Variants in BRWD3 observed in about 807,000 individuals in gnomAD.
BRWD3 encodes bromodomain and WD repeat domain containing 3, also known as bromodomain and WD repeat-containing protein 3.
A neutral mutation model predicts 149.7 loss-of-function variants in BRWD3; 10 were observed. That is an observed-to-expected ratio of 0.07 (90% CI 0.04 to 0.11). BRWD3 has a LOEUF of 0.11. Among genes scored for constraint, BRWD3 ranks in the 10% least tolerant of loss-of-function variants. The pLI is 1.00. For missense variants in BRWD3, 940 were observed against 1,373.2 expected (o/e 0.68, Z 4.99); for synonymous variants, 504 against 456.7 (o/e 1.10, Z -1.32).
At chrX:80,749,435 A>G (rs1374813837) in intron 6 of BRWD3, among the ~76,000 whole-genome samples, 1 of 111,559 alleles carries the variant, frequency 9.0e-6, no homozygotes, top group African/African-American at 3.3e-5. Context: ...CATCTCTATC[A>G]TTACATATGA....
rs1376431971 is a variant in BRWD3 at position 80,725,950 on chromosome X, C to A, written c.1387-883G>T. On this transcript the variant is annotated intron_variant, in intron 14 of 40. Transcript: ENST00000373275. ...CATAACTTGTTTACATGTTACATGT[C>A]TATATAACACATAACATGTTTACAT... is the stretch of plus-strand genomic sequence containing the variant. 3.6e-5 allele frequency among the ~76,000 whole-genome samples: 4 copies of A among 110,274 alleles called. No individual in the cohort carries two copies. The East Asian group carries it at 1.2e-3, about 32-fold the overall frequency.
At chrX:80,716,459 G>A (rs1281002608) in intron 19 of BRWD3, among the ~76,000 whole-genome samples, 1 of 112,046 alleles carries the variant, frequency 8.9e-6, no homozygotes, top group Non-Finnish European at 1.9e-5. Flanking sequence ...GATAAACTCT[G>A]TGACCATTAA....
At chrX:80,750,732 C>G (rs937994660) in intron 6 of BRWD3, among the ~76,000 whole-genome samples, 1 of 110,466 alleles carries the variant, frequency 9.1e-6, no homozygotes, top group African/African-American at 3.3e-5. Flanking sequence ...GATATATATC[C>G]AAAGGGATTG....
At chrX:80,787,294 T>A (rs1374521228) in intron 6 of BRWD3, among the ~76,000 whole-genome samples, 1 of 111,752 alleles carries the variant, frequency 8.9e-6, no homozygotes, top group Non-Finnish European at 1.9e-5. Context: ...TATTCTAAAA[T>A]GTCTCTATAC....
chrX:80,696,536 A>G (rs1483723526), intron 26 of BRWD3, among the ~76,000 whole-genome samples: 1 of 108,024 alleles, frequency 9.3e-6, no homozygotes, highest in African/African-American at 3.4e-5. Flanking sequence ...ACACACACAC[A>G]CACACACACA....
chrX:80,695,949 T>C lies in BRWD3; in HGVS notation c.3110A>G (p.His1037Arg). The C allele has an allele frequency of 1.4e-5, 17 of 1,210,845 alleles. No individual in the cohort carries two copies. The highest frequency in any genetic ancestry group is 1.9e-5 in the Non-Finnish European group (17 of 894,796). Reference sequence around the variant, plus strand: ...TTCTTTGGCTTCATTATAAAACTGATGTAGCACAAGGAAGTCAATGACATC... The same window carrying C: ...TTCTTTGGCTTCATTATAAAACTGACGTAGCACAAGGAAGTCAATGACATC... The part of the protein sequence containing the change: ...MPDVIDFLVL[H>R]QFYNEAKERN... Residue 1037 changes from histidine (H) to arginine (R), a missense_variant, in exon 27 of 41, where the codon CAT becomes CGT. This residue lies in a region of BRWD3 where 158 missense variants were observed against 284.0 expected (regional missense o/e 0.56). Coordinates refer to ENST00000373275, the MANE Select transcript of BRWD3 (RefSeq NM_153252.5).
intron 17 of BRWD3, 60 bp from the exon 18 acceptor site, chrX:80,719,716 A>G: frequency 9.5e-7 from 1 of 1,057,142 alleles, no homozygotes; most frequent in Non-Finnish European, 1.3e-6. Flanking sequence ...CCTTAAACAT[A>G]GTAAAAACAA....
At chrX:80,771,441 A>C (rs1569281690) in intron 6 of BRWD3, among the ~76,000 whole-genome samples, 1 of 111,633 alleles carries the variant, frequency 9.0e-6, no homozygotes, top group Non-Finnish European at 1.9e-5. Context: ...CTCAGAAATA[A>C]CACCACACAT....
At chrX:80,683,247 A>C (rs2072480390) in intron 37 of BRWD3, among the ~76,000 whole-genome samples, 1 of 111,804 alleles carries the variant, frequency 8.9e-6, no homozygotes, top group African/African-American at 3.2e-5. Context: ...ATTTATAAGC[A>C]TATGTAGATA....
At chrX:80,727,994 T>A (rs1304612463) in intron 14 of BRWD3, among the ~76,000 whole-genome samples, 3 of 111,945 alleles carry the variant, frequency 2.7e-5, no homozygotes, top group African/African-American at 9.7e-5. Flanking sequence ...AAACAGCATT[T>A]GCAAAATAGA....
intron 27 of BRWD3, among the ~76,000 whole-genome samples, chrX:80,693,554 G>T (rs2072640420): frequency 1.8e-5 from 2 of 111,915 alleles, no homozygotes; most frequent in African/African-American, 6.5e-5. Context: ...TGAAGTCTAG[G>T]CTGAGGTGGT....
chrX:80,804,970 C>A (rs1226209915), intron 4 of BRWD3, among the ~76,000 whole-genome samples: 1 of 111,908 alleles, frequency 8.9e-6, no homozygotes, highest in African/African-American at 3.2e-5. Flanking sequence ...ATGCCATATT[C>A]AAAAATCTTA....
chrX:80,742,855 A>T, intron 8 of BRWD3, among the ~76,000 whole-genome samples: 1 of 111,396 alleles, frequency 9.0e-6, no homozygotes, highest in Non-Finnish European at 1.9e-5. Flanking sequence ...GGACAATTTG[A>T]CTTCCTCTTT....
At chrX:80,803,225 T>C (rs2074320816) in intron 4 of BRWD3, among the ~76,000 whole-genome samples, 1 of 111,107 alleles carries the variant, frequency 9.0e-6, no homozygotes, top group African/African-American at 3.3e-5. Context: ...TGTTTATTAA[T>C]CAATCAGTAA....
chrX:80,713,291 T>C lies in BRWD3; in HGVS notation c.2325+2866A>G, dbSNP rs1365135329. 2.2e-3 allele frequency among the ~76,000 whole-genome samples: 244 copies of C among 111,383 alleles called. 2 individuals carry two copies. Among genetic ancestry groups the C allele is most frequent in the African/African-American group, 3.1e-3 (95 of 30,521 alleles). On this transcript the variant is annotated intron_variant, in intron 20 of 40. Coordinates refer to ENST00000373275, the MANE Select transcript of BRWD3 (RefSeq NM_153252.5). ...AAAGATTGAGAAATCGGATGGTTGC[T>C]GTGTCTGTGTAGAAAGAAGTAGACA...
intron 6 of BRWD3, among the ~76,000 whole-genome samples, chrX:80,788,539 A>G (rs2074140784): frequency 8.9e-6 from 1 of 111,815 alleles, no homozygotes; most frequent in Admixed American, 9.5e-5. Context: ...TGATGGGAAT[A>G]CAACATATAA....
At chrX:80,707,077 T>C (rs2072876775) in intron 22 of BRWD3, among the ~76,000 whole-genome samples, 1 of 112,706 alleles carries the variant, frequency 8.9e-6, no homozygotes, top group African/African-American at 3.2e-5. Context: ...ACAATGGCTA[T>C]GATGTCACTA....
intron 6 of BRWD3, among the ~76,000 whole-genome samples, chrX:80,770,413 T>A (rs1180031919): frequency 9.0e-6 from 1 of 111,658 alleles, no homozygotes; most frequent in Non-Finnish European, 1.9e-5. Flanking sequence ...ACAATAAAGT[T>A]GGCTTTATCC....
chrX:80,741,950 A>G (rs2073517263), intron 8 of BRWD3, among the ~76,000 whole-genome samples: 1 of 111,529 alleles, frequency 9.0e-6, no homozygotes, highest in Admixed American at 9.5e-5. Context: ...TTTTGTTGCC[A>G]TTGCTTTTGG....
Sources: allele counts gnomAD v4.1 joint callset (sites outside exome capture counted in the v4.1 genomes callset), GRCh38; gene constraint gnomAD v4.1.1; regional missense constraint gnomAD v4.1.1; transcripts MANE v1.5; gene names NCBI Gene and HGNC (gene_info 2026-07-23, HGNC 2026-07-21).